GOLGA2: variants seen among roughly 807,000 people sequenced by gnomAD.
The protein encoded by GOLGA2 is golgin A2.
Under a neutral mutation model 148.8 loss-of-function variants are expected in GOLGA2, and 49 were observed. That is an observed-to-expected ratio of 0.33 (90% confidence interval 0.26 to 0.42). The LOEUF (loss-of-function observed/expected upper bound fraction) is 0.42. Among genes scored for constraint, GOLGA2 ranks in the 10% least tolerant of loss-of-function variants. The pLI is 1.00. For missense variants in GOLGA2, 1,178 were observed against 1,304.6 expected (o/e 0.90, Z 1.49); for synonymous variants, 501 against 511.8 (o/e 0.98, Z 0.28).
At chr9:128,267,378 G>A in intron 7 of GOLGA2, 80 bp downstream of exon 7, 1 of 1,456,008 alleles carries the variant, frequency 6.9e-7, no homozygotes, top group Non-Finnish European at 9.6e-7. Context: ...AGCTGGCAGA[G>A]GGGCACCCAG....
rs769305809 is a variant in GOLGA2, at chr9:128,257,025, T to C, written c.*42A>G. On this transcript the variant is annotated 3_prime_UTR_variant, in exon 27 of 27. Coordinates refer to ENST00000611957, the MANE Select transcript of GOLGA2 (RefSeq NM_001366244.2). This position sits in a 1 kb window ranked among gnomAD's most constrained non-coding sequence, Gnocchi z 8.0. ...GTAGGGATATGGTGGGGGCAGGGTA[T>C]CCAGCCCCACTTCTTCAGGCTTTGC... 12 of 1,420,828 alleles carry C rather than the reference T, an allele frequency of 8.4e-6. No homozygotes were observed. In the Admixed American group the frequency reaches 1.4e-4, roughly 16 times the overall value. 88.0% of individuals were successfully genotyped at this position (1,420,828 alleles called of 1,614,324 possible).
rs1431244758 is a variant in GOLGA2 at position 128,261,599 on chromosome 9, C to T, written c.1225-38G>A. 6.6e-7 allele frequency: 1 copy of T among 1,518,818 alleles called. No homozygotes were observed. Among genetic ancestry groups the T allele is most frequent in the East Asian group, 2.2e-5 (1 of 44,466 alleles). 94.1% of individuals were successfully genotyped at this position (1,518,818 alleles called of 1,614,324 possible). A position where few individuals can be genotyped will look rare whatever the true frequency, so the allele number is the denominator to read the frequency against. On this transcript the variant is annotated intron_variant, in intron 15 of 26. Transcript: ENST00000611957. The surrounding 1 kb of genome is among the most constrained non-coding windows in gnomAD (Gnocchi z 5.7). ...CCACAGAAATGAGGAAGGACTGTCACTGGTTGTCACCTACTCCTGGCCACC... is the reference window on the plus strand; with the variant it reads ...CCACAGAAATGAGGAAGGACTGTCATTGGTTGTCACCTACTCCTGGCCACC...
Position 128,265,987 on chromosome 9 carries a change from G to C in GOLGA2, c.715C>G (p.Leu239Val). 1 of 1,613,498 alleles carries C rather than the reference G, an allele frequency of 6.2e-7. No individual in the cohort carries two copies. The highest frequency in any genetic ancestry group is 1.1e-5 in the South Asian group (1 of 91,068). ...KKECHQKQGA[L>V]REQLQVHIQT... ...CCACTCACCTGTAACTGCTCCCTTA[G>C]GGCTCCCTGCTTTTGGTGGCATTCT... Residue 239 changes from leucine (L) to valine (V), a missense_variant, in exon 10 of 27, where the codon CTA becomes GTA. Leu to Val is a conservative substitution (Grantham distance 32). Around this residue, in one of 5 missense-constraint regions of GOLGA2, gnomAD observed 304 missense variants for 404.1 expected, o/e 0.75. Coordinates refer to ENST00000611957, the MANE Select transcript of GOLGA2 (RefSeq NM_001366244.2).
intron 3 of GOLGA2, among the ~76,000 whole-genome samples, chr9:128,270,641 C>G (rs967779951): frequency 6.6e-6 from 1 of 151,914 alleles, no homozygotes; most frequent in Admixed American, 6.6e-5. Flanking sequence ...CAGGATACTA[C>G]GATCACAGGC....
chr9:128,262,389 C>T (rs1830326281), intron 14 of GOLGA2, among the ~76,000 whole-genome samples, 174 bp downstream of exon 14: 1 of 152,184 alleles, frequency 6.6e-6, no homozygotes, highest in Admixed American at 6.5e-5. Flanking sequence ...TCTGATTCCC[C>T]AGGTCCCCAA....
intron 12 of GOLGA2, among the ~76,000 whole-genome samples, chr9:128,264,504 C>T (rs1376232324): frequency 6.6e-6 from 1 of 151,994 alleles, no homozygotes; most frequent in Non-Finnish European, 1.5e-5. Context: ...CTCAGCTCAC[C>T]GCAACTTCCG....
chr9:128,260,906 G>T lies in GOLGA2; in HGVS notation c.1421-104C>A. 1 of 793,528 alleles carries T rather than the reference G, an allele frequency of 1.3e-6. No homozygotes were observed. Among genetic ancestry groups the T allele is most frequent in the Non-Finnish European group, 2.0e-6 (1 of 500,422 alleles). The allele number at this position is 793,528 out of a possible 1,614,324, so 49.2% of individuals were successfully genotyped here. ...CCCCAAACTTGGCCTCCCTGCTGAT[G>T]ATTCCTCGCACCCGGATGTTAGCCA... On this transcript the variant is annotated intron_variant, in intron 17 of 26. Transcript: ENST00000611957. This position sits in a 1 kb window ranked among gnomAD's most constrained non-coding sequence, Gnocchi z 4.8.
Position 128,260,058 on chromosome 9 carries a change from T to G in GOLGA2, c.1872+18A>C. ...CTGGTGCCCGCCTCCCAGCCCTTCT[T>G]GGATGGGGCGGGGTTACCGTTTCCT... is the stretch of plus-strand genomic sequence containing the variant. On this transcript the variant is annotated intron_variant, in intron 19 of 26. Transcript: ENST00000611957. This position sits in a 1 kb window ranked among gnomAD's most constrained non-coding sequence, Gnocchi z 4.8. The G allele has an allele frequency of 6.4e-7, 1 of 1,563,398 alleles. No homozygotes were observed. Among genetic ancestry groups the G allele is most frequent in the African/African-American group, 1.3e-5 (1 of 74,248 alleles).
intron 19 of GOLGA2, among the ~76,000 whole-genome samples, chr9:128,259,592 C>T (rs916528934): frequency 1.9e-4 from 29 of 152,240 alleles, no homozygotes; most frequent in African/African-American, 7.0e-4. Context: ...CCATTTAAAC[C>T]GTAGGCCACA....
chr9:128,267,117 C>T (rs920675673), intron 8 of GOLGA2, 77 bp downstream of exon 8: 3 of 1,073,732 alleles, frequency 2.8e-6, no homozygotes, highest in Non-Finnish European at 4.4e-6. Context: ...CCCCCTGCCC[C>T]TTTCTTCAGG....
chr9:128,265,548 C>T, intron 12 of GOLGA2, 37 bp downstream of exon 12: 1 of 1,435,586 alleles, frequency 7.0e-7, no homozygotes, highest in Non-Finnish European at 9.8e-7. Flanking sequence ...TCTGGGAAGC[C>T]AGTATGCCAG....
Position 128,266,082 on chromosome 9 carries a change from A to T in GOLGA2, c.682-62T>A. The T allele has an allele frequency of 6.8e-7, 1 of 1,467,496 alleles. No individual in the cohort carries two copies. The highest frequency in any genetic ancestry group is 9.6e-7 in the Non-Finnish European group (1 of 1,046,654). 90.9% of individuals were successfully genotyped at this position (1,467,496 alleles called of 1,614,324 possible). On this transcript the variant is annotated intron_variant, in intron 9 of 26. Coordinates refer to ENST00000611957, the MANE Select transcript of GOLGA2 (RefSeq NM_001366244.2). The surrounding 1 kb of genome is among the most constrained non-coding windows in gnomAD (Gnocchi z 4.2). The stretch of plus-strand genomic sequence containing the variant: ...AGGCAGAGACGGCACAGCAAGGGAC[A>T]TGCCCCCAGAATGCCACCAATGTCC...
rs750851936 is a variant in GOLGA2 at position 128,268,042 on chromosome 9, G to C, written c.438-45C>G. On this transcript the variant is annotated intron_variant, in intron 5 of 26. Transcript: ENST00000611957. ...GGTCAGGGGTGCAGGTGGCTCAATG[G>C]GAAAGAAGGTCATGGGCAGTGGCCT... 6 of 1,603,486 alleles carry C rather than the reference G, an allele frequency of 3.7e-6. No homozygotes were observed. In the East Asian group the frequency reaches 1.3e-4, roughly 36 times the overall value.
rs775563471 is a variant in GOLGA2 at position 128,260,070 on chromosome 9, G to C, written c.1872+6C>G. 1 of 1,594,522 alleles carries C rather than the reference G, an allele frequency of 6.3e-7. No homozygotes were observed. The highest frequency in any genetic ancestry group is 1.1e-5 in the South Asian group (1 of 90,760). Reference sequence around the variant, plus strand: ...TCCCAGCCCTTCTTGGATGGGGCGGGGTTACCGTTTCCTTCAGCTCGCTCA... The same window carrying C: ...TCCCAGCCCTTCTTGGATGGGGCGGCGTTACCGTTTCCTTCAGCTCGCTCA... On this transcript the variant is annotated splice_donor_region_variant and intron_variant, in intron 19 of 26. Coordinates refer to ENST00000611957, the MANE Select transcript of GOLGA2 (RefSeq NM_001366244.2). The surrounding 1 kb of genome is among the most constrained non-coding windows in gnomAD (Gnocchi z 4.8).
rs1159456039 is a variant in GOLGA2 at position 128,261,527 on chromosome 9, C to G, written c.1259G>C (p.Arg420Thr). 23 of 1,610,080 alleles carry G rather than the reference C, an allele frequency of 1.4e-5. No homozygotes were observed. The highest frequency in any genetic ancestry group is 2.0e-5 in the Non-Finnish European group (23 of 1,176,346). ...TTTGAGATTCTCCGCATATTTATCTCTCTCCATTTGTAGTTGTCTAACCGA... is the reference window on the plus strand; with the variant it reads ...TTTGAGATTCTCCGCATATTTATCTGTCTCCATTTGTAGTTGTCTAACCGA... ...MESVRQLQME[R>T]DKYAENLKGE... Residue 420 changes from arginine (R) to threonine (T), a missense_variant, in exon 16 of 27, where the codon AGA becomes ACA. By Grantham distance (71) the Arg-to-Thr change is moderately conservative. This residue lies in a region of GOLGA2 where 304 missense variants were observed against 404.1 expected (regional missense o/e 0.75). Coordinates refer to ENST00000611957, the MANE Select transcript of GOLGA2 (RefSeq NM_001366244.2). This position sits in a 1 kb window ranked among gnomAD's most constrained non-coding sequence, Gnocchi z 5.7.
Position 128,273,858 on chromosome 9 carries a change from G to T in GOLGA2, c.199C>A (p.Pro67Thr). 4.3e-6 allele frequency: 7 copies of T among 1,613,992 alleles called. No individual in the cohort carries two copies. Among genetic ancestry groups the T allele is most frequent in the Non-Finnish European group, 5.9e-6 (7 of 1,179,962 alleles). ...GGCCATCCAAGACTCACATCCTCAG[G>T]TGAGTGGCAACCACCAGAAGTGGTT... Reference protein sequence around the residue: ...ETTTSGGCHSPEDIQDILKVL... With the variant: ...ETTTSGGCHSTEDIQDILKVL... Residue 67 changes from proline to threonine, a missense_variant, in exon 2 of 27, where the codon CCT (proline) becomes ACT (threonine). By Grantham distance (38) the Pro-to-Thr change is conservative (BLOSUM62 -1). Coordinates refer to ENST00000611957, the MANE Select transcript of GOLGA2 (RefSeq NM_001366244.2).
At position 128,267,991 on chromosome 9, in the gene GOLGA2, G is replaced by A; in HGVS notation, c.444C>T (p.Phe148=). The change falls in exon 6 of 27, where the codon TTC becomes TTT. Residue 148 remains phenylalanine, a synonymous_variant. Coordinates refer to ENST00000611957, the MANE Select transcript of GOLGA2 (RefSeq NM_001366244.2). ...GTTGTCGCAGGCTCTCGGTTGATGA[G>A]AAAGTCCTAGGGATGGAGACACAGG... is the stretch of plus-strand genomic sequence containing the variant. ...VPNLMDETKT[F]SSTESLRQLS... is the part of the protein sequence containing the mutation. The A allele has an allele frequency of 6.2e-7, 1 of 1,613,998 alleles. No individual in the cohort carries two copies. The highest frequency in any genetic ancestry group is 8.5e-7 in the Non-Finnish European group (1 of 1,179,892).
At chr9:128,262,400 T>C (rs992836577) in intron 14 of GOLGA2, among the ~76,000 whole-genome samples, 163 bp downstream of exon 14, 1 of 152,070 alleles carries the variant, frequency 6.6e-6, no homozygotes, top group African/African-American at 2.4e-5. Context: ...AGGTCCCCAA[T>C]TTGTAGATTT....
Position 128,258,723 on chromosome 9 carries a change from G to A in GOLGA2, c.2174-153C>T. 1.5e-6 allele frequency: 1 copy of A among 651,104 alleles called. No individual in the cohort carries two copies. Among genetic ancestry groups the A allele is most frequent in the East Asian group, 2.7e-5 (1 of 36,562 alleles). 40.3% of individuals were successfully genotyped at this position (651,104 alleles called of 1,614,324 possible). The stretch of plus-strand genomic sequence containing the variant: ...ATTTTTATTTTATTCTTTTTTAAGA[G>A]CCAAGGGCTCGCTATGCTGCCCAGG... On this transcript the variant is annotated intron_variant, in intron 21 of 26. Transcript: ENST00000611957. This position sits in a 1 kb window ranked among gnomAD's most constrained non-coding sequence, Gnocchi z 6.6.
Sources: gnomAD v4.1 joint callset for allele counts (sites outside exome capture counted in the v4.1 genomes callset) on GRCh38, gnomAD v4.1.1 for gene constraint, gnomAD v4.1.1 regional missense constraint, Gnocchi (gnomAD v3.1) non-coding constraint, MANE v1.5 for transcripts, NCBI Gene and HGNC (gene_info 2026-07-23, HGNC 2026-07-21) for gene names.